The following AHI1 variants were observed in gnomAD, a reference collection of about 807,000 sequenced individuals.
AHI1 encodes jouberin.
In AHI1, 123 loss-of-function variants were observed where a neutral mutation model predicts 149.3. The observed-to-expected ratio is 0.82, with a 90% CI of 0.71 to 0.96. The LOEUF (loss-of-function observed/expected upper bound fraction) is 0.96, where lower values mean the gene tolerates loss of function less well. AHI1 is among the 40% of genes least tolerant of loss of function. AHI1 has a pLI of 0.00. For synonymous variants in AHI1, 475 were observed against 459.8 expected (o/e 1.03, Z -0.42); for missense variants, 1,439 against 1,422.7 (o/e 1.01, Z -0.18).
At chr6:135,438,876 A>G (rs921545763) in intron 14 of AHI1, among the ~76,000 whole-genome samples, 1 of 152,194 alleles carries the variant, frequency 6.6e-6, no homozygotes, top group Non-Finnish European at 1.5e-5. Flanking sequence ...CTAAATGCCA[A>G]CCAAAAATTT....
At chr6:135,301,828 A>G (rs571967366) in intron 26 of AHI1, 74 of 985,332 alleles carry the variant, frequency 7.5e-5, no homozygotes, top group Non-Finnish European at 8.4e-5. Context: ...GGGAAATTTC[A>G]GATTCAACTA....
chr6:135,337,770 G>GA (rs59397034), intron 24 of AHI1, among the ~76,000 whole-genome samples: 79,639 of 121,132 alleles, frequency 0.66, 24,513 homozygotes, highest in African/African-American at 0.78. Flanking sequence ...GTCTCAAAAA[G>GA]AAAAAAAAAA....
intron 5 of AHI1, among the ~76,000 whole-genome samples, chr6:135,485,059 T>C (rs1338819961): frequency 6.6e-6 from 1 of 151,688 alleles, no homozygotes; most frequent in African/African-American, 2.4e-5. Flanking sequence ...ATTTATTAAT[T>C]ATATGTACAA....
rs1356451543 is a variant in AHI1 at position 135,288,650 on chromosome 6, TG to T, written c.3588+1772del. ...TGTCCATAAAAATACTTCCATAATATGATGAATAACCATATGATATTCTGTT... is the reference window on the plus strand; with the variant it reads ...TGTCCATAAAAATACTTCCATAATATATGAATAACCATATGATATTCTGTT... On this transcript the variant is annotated intron_variant, in intron 28 of 28. Transcript: ENST00000265602. Among the ~76,000 whole-genome samples the T allele has an allele frequency of 2.6e-5, 4 of 151,800 alleles. No homozygotes were observed. The East Asian group carries it at 7.7e-4, about 29-fold the overall frequency.
At chr6:135,429,853 T>G in intron 18 of AHI1, 29 bp downstream of exon 18, 1 of 1,299,388 alleles carries the variant, frequency 7.7e-7, no homozygotes, top group Non-Finnish European at 1.1e-6. Context: ...CTGTGAGTAC[T>G]TATCCTGTCA....
intron 23 of AHI1, among the ~76,000 whole-genome samples, chr6:135,369,532 A>G (rs1774716959): frequency 6.6e-6 from 1 of 152,182 alleles, no homozygotes; most frequent in South Asian, 2.1e-4. Flanking sequence ...GTCTTTAATT[A>G]GAGGAAAACT....
chr6:135,456,018 T>G, intron 9 of AHI1, 92 bp from the exon 10 acceptor site: 1 of 788,636 alleles, frequency 1.3e-6, no homozygotes, highest in Non-Finnish European at 1.8e-6. Flanking sequence ...CAACCAGAAA[T>G]AATGAATAGT....
chr6:135,318,791 G>C (rs957570548), intron 25 of AHI1, among the ~76,000 whole-genome samples, 175 bp from the exon 26 acceptor site: 4 of 152,216 alleles, frequency 2.6e-5, no homozygotes, highest in African/African-American at 9.6e-5. Flanking sequence ...TTACTCATTA[G>C]TTATCAAAAG....
chr6:135,285,977 G>A (rs1382362121), intron 28 of AHI1, among the ~76,000 whole-genome samples: 1 of 152,184 alleles, frequency 6.6e-6, no homozygotes, highest in Non-Finnish European at 1.5e-5. Flanking sequence ...GAAATGAAGA[G>A]CAGGCAATCA....
intron 23 of AHI1, among the ~76,000 whole-genome samples, chr6:135,374,984 T>A (rs961187555): frequency 2.6e-5 from 4 of 152,194 alleles, no homozygotes; most frequent in Admixed American, 2.6e-4. Flanking sequence ...GTGGCCCAAC[T>A]GTATGCTAAT....
chr6:135,311,483 GAC>G (rs1417253862), intron 26 of AHI1, among the ~76,000 whole-genome samples: 1 of 151,972 alleles, frequency 6.6e-6, no homozygotes, highest in East Asian at 1.9e-4. Context: ...CAGGACAGAA[GAC>G]TAATTTTTCG....
At chr6:135,460,880 A>G (rs887770808) in intron 8 of AHI1, among the ~76,000 whole-genome samples, 2 of 152,200 alleles carry the variant, frequency 1.3e-5, no homozygotes, top group Non-Finnish European at 2.9e-5. Flanking sequence ...ATTCACATGG[A>G]TATCTTGATC....
At chr6:135,329,730 T>C (rs534857741) in intron 24 of AHI1, among the ~76,000 whole-genome samples, 2 of 152,352 alleles carry the variant, frequency 1.3e-5, no homozygotes, top group African/African-American at 4.8e-5. Flanking sequence ...TAGACAGTGA[T>C]TCCTCTGATG....
At chr6:135,467,336 A>G (rs1790931401) in intron 6 of AHI1, among the ~76,000 whole-genome samples, 1 of 152,236 alleles carries the variant, frequency 6.6e-6, no homozygotes, top group Non-Finnish European at 1.5e-5. Flanking sequence ...CCAAAGGAAA[A>G]TACATATCAT....
At chr6:135,394,614 T>C (rs1275694398) in intron 23 of AHI1, 162 bp downstream of exon 23, 1 of 987,900 alleles carries the variant, frequency 1.0e-6, no homozygotes, top group Non-Finnish European at 1.5e-6. Flanking sequence ...ACTTTTGAAA[T>C]AACCTTGGTG....
intron 15 of AHI1, among the ~76,000 whole-genome samples, chr6:135,434,580 A>G (rs1785119739): frequency 6.6e-6 from 1 of 152,086 alleles, no homozygotes; most frequent in Admixed American, 6.6e-5. Context: ...ATTAAAACAG[A>G]CATAATATTA....
rs747237494 is a variant in AHI1 at position 135,385,016 on chromosome 6, G to A, written c.3109+9760C>T. 2.0e-5 allele frequency among the ~76,000 whole-genome samples: 3 copies of A among 152,226 alleles called. No individual in the cohort carries two copies. In the South Asian group the frequency reaches 6.2e-4, roughly 32 times the overall value. Reference sequence around the variant, plus strand: ...AGGCAGGAGAATCACTTGAACCTGGGGGACAGAGGTTGCAGTGATCCGAGA... The same window carrying A: ...AGGCAGGAGAATCACTTGAACCTGGAGGACAGAGGTTGCAGTGATCCGAGA... On this transcript the variant is annotated intron_variant, in intron 23 of 28. Coordinates refer to ENST00000265602, the MANE Select transcript of AHI1 (RefSeq NM_001134831.2).
intron 23 of AHI1, among the ~76,000 whole-genome samples, chr6:135,372,007 C>A (rs1775134688): frequency 6.6e-6 from 1 of 152,150 alleles, no homozygotes; most frequent in South Asian, 2.1e-4. Flanking sequence ...AAGGGCCTAG[C>A]AGATCCTATG....
At chr6:135,452,372 C>T (rs1175242295) in intron 11 of AHI1, among the ~76,000 whole-genome samples, 13 of 152,166 alleles carry the variant, frequency 8.5e-5, no homozygotes, top group East Asian at 3.8e-4. Context: ...CATCAATCTA[C>T]GCCTTTCATC....
Sources: gnomAD v4.1 joint callset for allele counts (sites outside exome capture counted in the v4.1 genomes callset) on GRCh38, gnomAD v4.1.1 for gene constraint, MANE v1.5 for transcripts, NCBI Gene and HGNC (gene_info 2026-07-23, HGNC 2026-07-21) for gene names.